The following TRPV4 variants were observed in gnomAD, a reference collection of about 807,000 sequenced individuals.
TRPV4 encodes OSM9-like transient receptor potential channel 4.
A neutral mutation model predicts 84.1 loss-of-function variants in TRPV4; 58 were observed. The observed-to-expected ratio is 0.69, with a 90% CI of 0.56 to 0.86. The LOEUF is 0.86. Ranked by LOEUF, TRPV4 falls within the 40% of genes least tolerant of loss-of-function variation. The pLI is 0.00. For missense variants in TRPV4, 879 were observed against 1,181.1 expected, an observed-to-expected ratio of 0.74 and a Z score of 3.75; for synonymous variants, 489 against 500.9, an observed-to-expected ratio of 0.98 and a Z score of 0.32.
At chr12:109,799,747 CT>C (rs1034753898) in intron 5 of TRPV4, among the ~76,000 whole-genome samples, 7 of 151,202 alleles carry the variant, frequency 4.6e-5, no homozygotes, top group African/African-American at 1.5e-4. Flanking sequence ...GAGGATTTGG[CT>C]TTTTTTTTGT....
chr12:109,818,195 C>G (rs1473406686), intron 1 of TRPV4, among the ~76,000 whole-genome samples: 1 of 152,128 alleles, frequency 6.6e-6, no homozygotes, highest in Non-Finnish European at 1.5e-5. Context: ...TCCTCACCCT[C>G]AAATAGATTG....
At position 109,814,321 on chromosome 12, in the gene TRPV4, A is replaced by C. The variant is rs554131401; in HGVS notation, c.386+90T>G. 741 of 1,443,298 alleles carry C rather than the reference A, an allele frequency of 5.1e-4. 2 individuals are homozygous for C. The highest frequency in any genetic ancestry group is 6.8e-4 in the Non-Finnish European group (709 of 1,048,808). The allele number at this position is 1,443,298 out of a possible 1,614,324, so 89.4% of individuals were successfully genotyped here. The stretch of plus-strand genomic sequence containing the variant: ...GATGGATGGATGGATGAATCGACGG[A>C]TGGGTGGATAATAGATAGAGGGGTG... On this transcript the variant is annotated intron_variant, in intron 2 of 15. Coordinates refer to ENST00000261740, the MANE Select transcript of TRPV4 (RefSeq NM_021625.5). This position sits in a 1 kb window ranked among gnomAD's most constrained non-coding sequence, Gnocchi z 5.4.
intron 1 of TRPV4, among the ~76,000 whole-genome samples, chr12:109,824,166 T>C (rs2136707025): frequency 6.6e-6 from 1 of 151,970 alleles, no homozygotes; most frequent in Admixed American, 6.5e-5. Flanking sequence ...GGTTTCACCA[T>C]GTTGGCCAGG....
At position 109,793,343 on chromosome 12, in the gene TRPV4, T is replaced by G. The variant is rs1484023738; in HGVS notation, c.1658+184A>C. On this transcript the variant is annotated intron_variant, in intron 10 of 15. Coordinates refer to ENST00000261740, the MANE Select transcript of TRPV4 (RefSeq NM_021625.5). The surrounding 1 kb of genome is among the most constrained non-coding windows in gnomAD (Gnocchi z 4.0). ...GTTGTATATGATAACTCCCTAGCAA[T>G]CAGAATTTTTCTTGAACCAGAAGAC... The G allele has an allele frequency of 7.8e-6, 5 of 644,844 alleles. No homozygotes were observed. In the Middle Eastern group the frequency reaches 1.2e-3, roughly 161 times the overall value. The allele number at this position is 644,844 out of a possible 1,614,324, so 39.9% of individuals were successfully genotyped here.
chr12:109,787,711 C>A (rs942254489), intron 13 of TRPV4, among the ~76,000 whole-genome samples: 9 of 152,182 alleles, frequency 5.9e-5, no homozygotes, highest in Admixed American at 5.9e-4. Flanking sequence ...GGAGGACAAC[C>A]TTGGGCCCTT....
In TRPV4 at chr12:109,784,382, C is replaced by T; in HGVS notation, c.2392G>A (p.Asp798Asn). The change falls in exon 15 of 16, where the codon GAC (aspartate) becomes AAC (asparagine). Residue 798 changes from aspartate (D) to asparagine (N), a missense_variant. This residue lies in a region of TRPV4 where 242 missense variants were observed against 355.3 expected (regional missense o/e 0.68). Transcript: ENST00000261740. ...TGGTAGGTCTCATTCTTGCCCGGGTCCTCGTTGATGATGCCCAAGTTCTGG... is the reference window on the plus strand; with the variant it reads ...TGGTAGGTCTCATTCTTGCCCGGGTTCTCGTTGATGATGCCCAAGTTCTGG... ...WNQNLGIINE[D>N]PGKNETYQYY... 6.2e-7 allele frequency: 1 copy of T among 1,614,180 alleles called. No homozygotes were observed.
chr12:109,830,557 C>A (rs1218943858), intron 1 of TRPV4, among the ~76,000 whole-genome samples: 2 of 152,086 alleles, frequency 1.3e-5, no homozygotes, highest in African/African-American at 4.8e-5. Context: ...TCCAAATGGG[C>A]GATGTGGAGC....
At chr12:109,824,760 A>AAAAC (rs1555212697) in intron 1 of TRPV4, among the ~76,000 whole-genome samples, 3 of 151,728 alleles carry the variant, frequency 2.0e-5, no homozygotes, top group Non-Finnish European at 2.9e-5. Flanking sequence ...CCATCTCAAC[A>AAAAC]AAACAAAACC....
rs56217500 is a variant in TRPV4 at position 109,800,702 on chromosome 12, G to C, written c.769C>G (p.Leu257Val). The change falls in exon 5 of 16, where the codon CTC (leucine) becomes GTC (valine). Residue 257 changes from leucine to valine, a missense_variant. Around this residue, in one of 4 missense-constraint regions of TRPV4, gnomAD observed 521 missense variants for 686.6 expected, o/e 0.76. Transcript: ENST00000261740. Reference sequence around the variant, plus strand: ...TGGACATCAGCTCCCTGGGCCACGAGAAGTTCCACGTAGTGTTTGCAGCGA... The same window carrying C: ...TGGACATCAGCTCCCTGGGCCACGACAAGTTCCACGTAGTGTTTGCAGCGA... ...ERRCKHYVELLVAQGADVHAQ... is the reference protein window; with the variant it reads ...ERRCKHYVELVVAQGADVHAQ... The C allele has an allele frequency of 9.8e-4, 1,587 of 1,614,164 alleles. No homozygotes were observed. The highest frequency in any genetic ancestry group is 1.3e-3 in the Non-Finnish European group (1,511 of 1,180,042).
chr12:109,827,512 TG>T (rs1176305279), intron 1 of TRPV4, among the ~76,000 whole-genome samples: 1 of 151,962 alleles, frequency 6.6e-6, no homozygotes, highest in Non-Finnish European at 1.5e-5. Context: ...CCTCACCTGC[TG>T]GGGTCTCAGC....
chr12:109,788,334 CG>C, intron 13 of TRPV4, 65 bp downstream of exon 13: 2 of 1,507,432 alleles, frequency 1.3e-6, no homozygotes, highest in Non-Finnish European at 1.8e-6. Context: ...GGAAGCCAGT[CG>C]GGTGGGTCTC....
Position 109,809,839 on chromosome 12 carries a change from C to T in TRPV4, c.387-1371G>A, listed in dbSNP as rs554526703. Among the ~76,000 whole-genome samples, 9 of 152,340 alleles carry T rather than the reference C, an allele frequency of 5.9e-5. No individual in the cohort carries two copies. In the East Asian group the frequency reaches 1.3e-3, roughly 23 times the overall value. On this transcript the variant is annotated intron_variant, in intron 2 of 15. Coordinates refer to ENST00000261740, the MANE Select transcript of TRPV4 (RefSeq NM_021625.5). ...TTCATCCATTCATTCCATAACTAAC[C>T]CATTAATTTATTCATTCAACAAACA...
intron 3 of TRPV4, among the ~76,000 whole-genome samples, chr12:109,806,709 A>T (rs896214422): frequency 2.6e-5 from 4 of 151,084 alleles, no homozygotes; most frequent in Non-Finnish European, 5.9e-5. Flanking sequence ...GAAAAAAAAA[A>T]ATTTAGCCAG....
chr12:109,817,119 G>A (rs972876477), intron 1 of TRPV4, among the ~76,000 whole-genome samples: 5 of 152,204 alleles, frequency 3.3e-5, no homozygotes, highest in African/African-American at 1.2e-4. Flanking sequence ...AGGAGAGGGG[G>A]ATCTGGATCC....
At chr12:109,813,897 A>G (rs760065101) in intron 2 of TRPV4, among the ~76,000 whole-genome samples, 12 of 151,448 alleles carry the variant, frequency 7.9e-5, no homozygotes, top group Non-Finnish European at 1.3e-4. Flanking sequence ...GATAGTAGAT[A>G]GATGGACAGA....
chr12:109,788,429 T>C lies in TRPV4; in HGVS notation c.2179A>G (p.Lys727Glu). The change falls in exon 13 of 16, where the codon AAG (lysine) becomes GAG (glutamate). Residue 727 changes from lysine (K) to glutamate (E), a missense_variant. Physicochemically the swap from Lys to Glu is moderately conservative, Grantham distance 56 (BLOSUM62 1). Around this residue, in one of 4 missense-constraint regions of TRPV4, gnomAD observed 242 missense variants for 355.3 expected, o/e 0.68. Coordinates refer to ENST00000261740, the MANE Select transcript of TRPV4 (RefSeq NM_021625.5). Reference protein sequence around the residue: ...LMGETVGQVSKESKHIWKLQW... With the variant: ...LMGETVGQVSEESKHIWKLQW... The stretch of plus-strand genomic sequence containing the variant: ...AGCTTCCAGATGTGCTTGCTCTCCT[T>C]GGAGACCTGGCCCACTGTCTCGCCC... 1 of 1,614,172 alleles carries C rather than the reference T, an allele frequency of 6.2e-7. No individual in the cohort carries two copies. The highest frequency in any genetic ancestry group is 8.5e-7 in the Non-Finnish European group (1 of 1,180,020).
At chr12:109,784,555 C>T in intron 14 of TRPV4, 118 bp from the exon 15 acceptor site, 8 of 1,488,106 alleles carry the variant, frequency 5.4e-6, no homozygotes, top group South Asian at 3.5e-5. Flanking sequence ...CAAGGCTGGG[C>T]GTGGTGGCTC....
At position 109,821,538 on chromosome 12, in the gene TRPV4, A is replaced by AT. The variant is rs11312179; in HGVS notation, c.-31-6712dup. Among the ~76,000 whole-genome samples, 138 of 149,732 alleles carry AT rather than the reference A, an allele frequency of 9.2e-4. 1 individual carries two copies. The highest frequency in any genetic ancestry group is 7.8e-4 in the East Asian group (4 of 5,120). ...CACGATTAAACTTTTCTATATATGT[A>AT]TTTTTTTTTTCAAGAGAGTCTCGCT... On this transcript the variant is annotated intron_variant, in intron 1 of 15. Transcript: ENST00000261740.
chr12:109,799,944 T>G, intron 5 of TRPV4, among the ~76,000 whole-genome samples: 1 of 151,428 alleles, frequency 6.6e-6, no homozygotes. Flanking sequence ...ATTTATTTAT[T>G]TATTTATTTA....
Sources: gnomAD v4.1 joint callset for allele counts (sites outside exome capture counted in the v4.1 genomes callset) on GRCh38, gnomAD v4.1.1 for gene constraint, gnomAD v4.1.1 regional missense constraint, Gnocchi (gnomAD v3.1) non-coding constraint, MANE v1.5 for transcripts, NCBI Gene and HGNC (gene_info 2026-07-23, HGNC 2026-07-21) for gene names.